The following SAXO1 variants were observed in gnomAD, a reference collection of about 807,000 sequenced individuals.
SAXO1 encodes 4930500O09Rik.
SAXO1 carries 21 observed loss-of-function variants against 17.5 expected under a neutral mutation model. That is an observed-to-expected ratio of 1.20 (90% CI 0.85 to 1.72). The LOEUF (loss-of-function observed/expected upper bound fraction) is 1.72, where lower values mean the gene tolerates loss of function less well. Ranked by LOEUF, SAXO1 falls within the 40% of genes most tolerant of loss-of-function variation. SAXO1 has a pLI of 0.00. For synonymous variants in SAXO1, 274 were observed against 216.5 expected (o/e 1.27, Z -2.33); for missense variants, 843 against 596.0 (o/e 1.41, Z -4.32).
intron 1 of SAXO1, among the ~76,000 whole-genome samples, chr9:19,006,212 T>A (rs1208944456): frequency 3.9e-5 from 6 of 152,226 alleles, no homozygotes; most frequent in Admixed American, 6.5e-5. Flanking sequence ...AACAGTATGA[T>A]GGTTTCTCAA....
At chr9:18,980,781 GAAAAAA>G (rs10640487) in intron 1 of SAXO1, among the ~76,000 whole-genome samples, 1 of 83,908 alleles carries the variant, frequency 1.2e-5, no homozygotes, top group African/African-American at 5.3e-5. Flanking sequence ...TTAAAAAACT[GAAAAAA>G]AAAAAAAAAA....
chr9:18,934,202 G>A (rs1223387128), intron 3 of SAXO1, among the ~76,000 whole-genome samples: 1 of 152,070 alleles, frequency 6.6e-6, no homozygotes, highest in Non-Finnish European at 1.5e-5. Context: ...TTTGGATTGT[G>A]CCTCTTGAAT....
At chr9:18,951,008 C>A in intron 1 of SAXO1, 71 bp from the exon 2 acceptor site, 1 of 1,434,734 alleles carries the variant, frequency 7.0e-7, no homozygotes. Flanking sequence ...AGAGTACTTC[C>A]GCCAAATGTG....
intron 3 of SAXO1, among the ~76,000 whole-genome samples, chr9:18,941,311 T>TA (rs34888749): frequency 2.0e-4 from 31 of 151,436 alleles, no homozygotes; most frequent in South Asian, 4.2e-4. Context: ...GCTACTATGC[T>TA]AAAAAAAAAA....
Position 18,928,174 on chromosome 9 carries a change from C to G in SAXO1, c.1303G>C (p.Val435Leu). The G allele has an allele frequency of 6.2e-6, 10 of 1,614,232 alleles. No individual in the cohort carries two copies. Among genetic ancestry groups the G allele is most frequent in the African/African-American group, 1.3e-5 (1 of 75,052 alleles). ...PEPPGYTFEE[V>L]DALGHRIYKP... ...TATATCCTGTGACCCAAAGCATCCA[C>G]TTCCTCAAAGGTGTAGCCAGGAGGC... is the stretch of plus-strand genomic sequence containing the variant. The change falls in exon 4 of 4, where the codon GTG becomes CTG. Residue 435 changes from valine to leucine, a missense_variant. Coordinates refer to ENST00000380534, the MANE Select transcript of SAXO1 (RefSeq NM_153707.4).
chr9:18,958,365 C>T (rs1381634720), intron 1 of SAXO1, among the ~76,000 whole-genome samples: 1 of 151,962 alleles, frequency 6.6e-6, no homozygotes, highest in Admixed American at 6.6e-5. Context: ...CAGAGGTTGC[C>T]CTGAGTCGAG....
intron 1 of SAXO1, among the ~76,000 whole-genome samples, chr9:18,970,236 C>T (rs1224752402): frequency 1.3e-5 from 2 of 152,192 alleles, no homozygotes; most frequent in Non-Finnish European, 2.9e-5. Flanking sequence ...AAAATGATAA[C>T]AGTTATGCTA....
At chr9:19,033,506 GC>G (rs554268931), upstream of SAXO1, among the ~76,000 whole-genome samples, 6 of 152,378 alleles carry the variant, frequency 3.9e-5, no homozygotes, top group South Asian at 1.2e-3. Flanking sequence ...GATCCATGGT[GC>G]CCCCTCTTAG....
intron 1 of SAXO1, among the ~76,000 whole-genome samples, chr9:19,007,220 G>A (rs571593954): frequency 2.0e-5 from 3 of 148,932 alleles, no homozygotes; most frequent in African/African-American, 5.0e-5. Flanking sequence ...TTTGGTGCAC[G>A]CCTGTAGTCC....
At position 19,024,255 on chromosome 9, in the gene SAXO1, C is replaced by T. The variant is rs557537662; in HGVS notation, c.38+8616G>A. ...TGCCCTGCCCTGCAGCAAGGGCAGC[C>T]GCACTAAACCCCAACATACCCTTTC... On this transcript the variant is annotated intron_variant, in intron 1 of 3. Transcript: ENST00000380534. 7.9e-5 allele frequency among the ~76,000 whole-genome samples: 12 copies of T among 151,880 alleles called. No individual in the cohort carries two copies. In the South Asian group the frequency reaches 2.1e-3, roughly 26 times the overall value.
At chr9:18,977,527 G>A (rs894756722) in intron 1 of SAXO1, among the ~76,000 whole-genome samples, 29 of 152,036 alleles carry the variant, frequency 1.9e-4, no homozygotes, top group Admixed American at 1.7e-3. Flanking sequence ...GATAAGGGGT[G>A]GAATACAAAT....
chr9:19,048,198 G>C (rs747089022), intron 1 of SAXO1, among the ~76,000 whole-genome samples: 1 of 152,214 alleles, frequency 6.6e-6, no homozygotes, highest in Non-Finnish European at 1.5e-5. Context: ...AGGCACGGTG[G>C]CTCACGCCTG....
At chr9:18,995,921 A>G (rs1833982668) in intron 1 of SAXO1, among the ~76,000 whole-genome samples, 1 of 152,060 alleles carries the variant, frequency 6.6e-6, no homozygotes, top group African/African-American at 2.4e-5. Flanking sequence ...CTTACCAAAA[A>G]TACAACAACT....
chr9:18,950,313 A>G (rs1831976911), intron 2 of SAXO1, among the ~76,000 whole-genome samples: 1 of 152,124 alleles, frequency 6.6e-6, no homozygotes, highest in African/African-American at 2.4e-5. Context: ...TAAGGGGAGA[A>G]AAAAAAGCTC....
chr9:19,005,962 C>T (rs1282729183), intron 1 of SAXO1, among the ~76,000 whole-genome samples: 2 of 152,094 alleles, frequency 1.3e-5, no homozygotes, highest in Non-Finnish European at 2.9e-5. Flanking sequence ...ACAAACAACC[C>T]ACCTTGAGTA....
intron 1 of SAXO1, among the ~76,000 whole-genome samples, chr9:18,968,368 A>G (rs2131784140): frequency 6.6e-6 from 1 of 152,302 alleles, no homozygotes; most frequent in Non-Finnish European, 1.5e-5. Flanking sequence ...TAAGAGATGC[A>G]TGGATAATGG....
chr9:18,978,593 A>T (rs1833247311), intron 1 of SAXO1, among the ~76,000 whole-genome samples: 1 of 152,196 alleles, frequency 6.6e-6, no homozygotes, highest in Non-Finnish European at 1.5e-5. Context: ...CTGCAGCTGC[A>T]CTCGCAGATG....
intron 1 of SAXO1, among the ~76,000 whole-genome samples, chr9:19,003,560 A>T (rs183640228): frequency 6.6e-6 from 1 of 152,384 alleles, no homozygotes; most frequent in Non-Finnish European, 1.5e-5. Context: ...AGACAAATGG[A>T]ATAGAACAGA....
chr9:19,013,321 AT>A (rs1554680604), intron 1 of SAXO1, among the ~76,000 whole-genome samples: 1 of 152,166 alleles, frequency 6.6e-6, no homozygotes, highest in Non-Finnish European at 1.5e-5. Context: ...ATAATAGCAG[AT>A]TTTGCAACGC....
Sources: allele counts gnomAD v4.1 joint callset (sites outside exome capture counted in the v4.1 genomes callset), GRCh38; gene constraint gnomAD v4.1.1; transcripts MANE v1.5; gene names NCBI Gene and HGNC (gene_info 2026-07-23, HGNC 2026-07-21).